The following ROR1 variants were observed in gnomAD, a reference collection of about 807,000 sequenced individuals.
The protein encoded by ROR1 is inactive tyrosine-protein kinase transmembrane receptor ROR1.
Under a neutral mutation model 78.8 loss-of-function variants are expected in ROR1, and 19 were observed. The observed-to-expected ratio is 0.24, with a 90% CI of 0.17 to 0.35. The LOEUF is 0.35. Ranked by LOEUF, ROR1 falls within the 10% of genes least tolerant of loss-of-function variation. The pLI is 1.00. For missense variants in ROR1, 917 were observed against 1,177.8 expected (o/e 0.78, Z 3.24); for synonymous variants, 386 against 433.6 (o/e 0.89, Z 1.36).
intron 4 of ROR1, chr1:64,111,846 C>T (rs1557657630): frequency 1.3e-5 from 2 of 152,178 alleles, no homozygotes; most frequent in Admixed American, 6.5e-5. Context: ...AGTGTTAGAC[C>T]TGGGTTCACT....
Position 64,100,019 on chromosome 1 carries a change from C to T in ROR1, c.483-37350C>T, listed in dbSNP as rs1180694242. ...GCAGTGAGCCAAGATCACACCACTG[C>T]AGTCCAGCCTGGGCAACAGAGTGAG... On this transcript the variant is annotated intron_variant, in intron 4 of 8. Transcript: ENST00000371079. 2.6e-5 allele frequency among the ~76,000 whole-genome samples: 4 copies of T among 152,348 alleles called. 1 individual carries two copies. The highest frequency in any genetic ancestry group is 2.6e-4 in the Admixed American group (4 of 15,308).
At chr1:63,983,572 A>T (rs1646227849) in intron 1 of ROR1, among the ~76,000 whole-genome samples, 1 of 152,216 alleles carries the variant, frequency 6.6e-6, no homozygotes, top group Non-Finnish European at 1.5e-5. Context: ...TTAAGGTTTT[A>T]GAAACATTCG....
intron 1 of ROR1, among the ~76,000 whole-genome samples, chr1:63,797,268 G>A (rs546330147): frequency 6.6e-6 from 1 of 152,220 alleles, no homozygotes; most frequent in African/African-American, 2.4e-5. Context: ...GAGTGGTGAA[G>A]TGACTTGCTC....
chr1:64,130,867 A>G (rs952720587), intron 4 of ROR1, among the ~76,000 whole-genome samples: 6 of 152,196 alleles, frequency 3.9e-5, no homozygotes, highest in African/African-American at 1.4e-4. Flanking sequence ...GCCCCTCCCA[A>G]GGGAGAAGAA....
intron 1 of ROR1, among the ~76,000 whole-genome samples, chr1:63,965,686 A>G (rs1178307909): frequency 1.3e-5 from 2 of 152,158 alleles, no homozygotes; most frequent in Non-Finnish European, 2.9e-5. Context: ...TATCACCTCA[A>G]TCAGTATAAT....
At chr1:64,140,487 G>C (rs925463747) in intron 6 of ROR1, 61 bp downstream of exon 6, 3 of 1,492,146 alleles carry the variant, frequency 2.0e-6, no homozygotes, top group African/African-American at 1.4e-5. Flanking sequence ...TTGGCACAGG[G>C]AAAACTGGAC....
chr1:63,939,245 T>C (rs1318769142), intron 1 of ROR1, among the ~76,000 whole-genome samples: 1 of 152,128 alleles, frequency 6.6e-6, no homozygotes, highest in Non-Finnish European at 1.5e-5. Flanking sequence ...GTAGGCATCT[T>C]TTAAAAATCC....
intron 1 of ROR1, among the ~76,000 whole-genome samples, chr1:63,808,063 C>T (rs1449148115): frequency 6.6e-6 from 1 of 152,158 alleles, no homozygotes; most frequent in African/African-American, 2.4e-5. Context: ...CCAACTCCTA[C>T]TCTCCTTCTC....
intron 1 of ROR1, among the ~76,000 whole-genome samples, chr1:63,817,564 C>T (rs1218443273): frequency 6.6e-6 from 1 of 152,134 alleles, no homozygotes; most frequent in Non-Finnish European, 1.5e-5. Context: ...AGTACAGTAT[C>T]ATTAGCATGC....
chr1:63,921,196 C>T (rs1054971090), intron 1 of ROR1, among the ~76,000 whole-genome samples: 4 of 152,062 alleles, frequency 2.6e-5, no homozygotes, highest in Admixed American at 6.5e-5. Context: ...TCTGTGTTGA[C>T]GGTTTATTGA....
intron 1 of ROR1, among the ~76,000 whole-genome samples, chr1:63,856,674 C>T (rs188475756): frequency 3.2e-4 from 49 of 152,330 alleles, no homozygotes; most frequent in African/African-American, 1.2e-3. Flanking sequence ...AGGCAGTAAG[C>T]TGGAGGACTC....
intron 1 of ROR1, among the ~76,000 whole-genome samples, chr1:63,823,217 C>G (rs1321412547): frequency 6.6e-6 from 1 of 151,990 alleles, no homozygotes; most frequent in Non-Finnish European, 1.5e-5. Context: ...TTTCCTTGGT[C>G]CCTCCCAATC....
chr1:64,033,996 G>A (rs1034544249), intron 2 of ROR1, among the ~76,000 whole-genome samples: 1 of 152,128 alleles, frequency 6.6e-6, no homozygotes, highest in Non-Finnish European at 1.5e-5. Context: ...TCTATTCACT[G>A]TTATCTCTAA....
At chr1:64,138,028 C>T (rs1192184436) in intron 5 of ROR1, among the ~76,000 whole-genome samples, 1 of 152,188 alleles carries the variant, frequency 6.6e-6, no homozygotes, top group Non-Finnish European at 1.5e-5. Flanking sequence ...CTCTAGCTTT[C>T]AATATTTCAC....
chr1:63,906,929 T>C (rs550793158), intron 1 of ROR1, among the ~76,000 whole-genome samples: 1 of 152,282 alleles, frequency 6.6e-6, no homozygotes, highest in African/African-American at 2.4e-5. Context: ...TATTACTTTA[T>C]CCAGAGCCAC....
intron 2 of ROR1, among the ~76,000 whole-genome samples, chr1:64,048,580 A>G (rs541095277): frequency 6.6e-6 from 1 of 152,330 alleles, no homozygotes; most frequent in South Asian, 2.1e-4. Context: ...CTCCCTACCC[A>G]TGAATAACAG....
chr1:64,080,131 T>C (rs1647088813), intron 4 of ROR1, among the ~76,000 whole-genome samples: 1 of 152,182 alleles, frequency 6.6e-6, no homozygotes. Context: ...GTACCTTTCT[T>C]TTCATTTGCC....
Position 64,178,879 on chromosome 1 carries a change from G to GT in ROR1, c.*25dup. On this transcript the variant is annotated 3_prime_UTR_variant, in exon 9 of 9. Coordinates refer to ENST00000371079, the MANE Select transcript of ROR1 (RefSeq NM_005012.4). The surrounding 1 kb of genome is among the most constrained non-coding windows in gnomAD (Gnocchi z 4.3). ...AAAATGCACAACTTTTGTAAATGTGGTATACAGGACAAACTAGACGGCCGT... is the reference window on the plus strand; with the variant it reads ...AAAATGCACAACTTTTGTAAATGTGGTTATACAGGACAAACTAGACGGCCGT... 1.6e-5 allele frequency: 25 copies of GT among 1,559,886 alleles called. No homozygotes were observed. The highest frequency in any genetic ancestry group is 2.1e-5 in the Non-Finnish European group (24 of 1,136,892).
chr1:63,953,723 AT>A (rs973116174), intron 1 of ROR1, among the ~76,000 whole-genome samples: 1 of 152,174 alleles, frequency 6.6e-6, no homozygotes, highest in Non-Finnish European at 1.5e-5. Flanking sequence ...GGCAGCACAG[AT>A]TTCCCACAGT....
Sources: allele counts gnomAD v4.1 joint callset (sites outside exome capture counted in the v4.1 genomes callset), GRCh38; gene constraint gnomAD v4.1.1; non-coding constraint Gnocchi (gnomAD v3.1); transcripts MANE v1.5; gene names NCBI Gene and HGNC (gene_info 2026-07-23, HGNC 2026-07-21).